The following RANBP2 variants were observed in gnomAD, a reference collection of about 807,000 sequenced individuals.
RANBP2 encodes E3 SUMO-protein ligase RanBP2.
A neutral mutation model predicts 303.6 loss-of-function variants in RANBP2; 57 were observed. The observed-to-expected ratio is 0.19, with a 90% CI of 0.15 to 0.23. The LOEUF (loss-of-function observed/expected upper bound fraction) is 0.23, where lower values mean the gene tolerates loss of function less well. Ranked by LOEUF, RANBP2 falls within the 10% of genes least tolerant of loss-of-function variation. The pLI, the probability that RANBP2 is intolerant of heterozygous loss-of-function variation, is 1.00. For missense variants in RANBP2, 3,138 were observed against 3,780.8 expected (o/e 0.83, Z 4.46); for synonymous variants, 1,167 against 1,301.5 (o/e 0.90, Z 2.23).
At chr2:109,164,506 A>G in the RANBP2 span, among the ~76,000 whole-genome samples, 1 of 152,146 alleles carries the variant, frequency 6.6e-6, no homozygotes, top group Non-Finnish European at 1.5e-5. Flanking sequence ...ATTTTTCTGT[A>G]GACTCTTCGG....
the RANBP2 span, among the ~76,000 whole-genome samples, chr2:109,174,340 C>T: frequency 6.6e-6 from 1 of 152,224 alleles, no homozygotes; most frequent in Non-Finnish European, 1.5e-5. Flanking sequence ...TTCCTGTGTA[C>T]CAGACTGGGT....
the RANBP2 span, among the ~76,000 whole-genome samples, chr2:109,532,476 G>A: frequency 6.6e-6 from 1 of 152,142 alleles, no homozygotes; most frequent in African/African-American, 2.4e-5. Context: ...TAGAAGCCCT[G>A]TGCGTGGGTG....
At chr2:109,681,853 C>T in the RANBP2 span, among the ~76,000 whole-genome samples, 4 of 152,262 alleles carry the variant, frequency 2.6e-5, no homozygotes, top group South Asian at 4.1e-4. Flanking sequence ...TCCCGCTCAG[C>T]GGAGACCAAA....
chr2:108,791,752 G>A, the RANBP2 span: 378,497 of 1,596,458 alleles, frequency 0.24, 47,073 homozygotes, highest in African/African-American at 0.35. Context: ...AATGATTATA[G>A]AGTTAGTACC....
chr2:109,552,656 C>T, the RANBP2 span: 1 of 172,770 alleles, frequency 5.8e-6, no homozygotes, highest in Non-Finnish European at 1.2e-5. Flanking sequence ...GTGGCTTACC[C>T]TGCTAGGCAT....
the RANBP2 span, among the ~76,000 whole-genome samples, chr2:109,047,752 T>C: frequency 6.6e-6 from 1 of 152,244 alleles, no homozygotes; most frequent in East Asian, 1.9e-4. Flanking sequence ...GGAGGTGTAG[T>C]GAGCTGAGAT....
the RANBP2 span, among the ~76,000 whole-genome samples, chr2:109,167,844 T>C: frequency 6.6e-6 from 1 of 152,216 alleles, no homozygotes; most frequent in Non-Finnish European, 1.5e-5. Context: ...GTGCTGGGAT[T>C]ACAGGCGTGA....
At chr2:109,657,058 A>T in the RANBP2 span, among the ~76,000 whole-genome samples, 1 of 152,212 alleles carries the variant, frequency 6.6e-6, no homozygotes, top group East Asian at 1.9e-4. Flanking sequence ...ATATGAAGTC[A>T]TTTCAGTCAA....
At chr2:109,034,560 G>A in the RANBP2 span, among the ~76,000 whole-genome samples, 303 of 152,308 alleles carry the variant, frequency 2.0e-3, 1 homozygote, top group Middle Eastern at 6.8e-3. Flanking sequence ...GGCAAAAGCT[G>A]GTTCTGGAGC....
At chr2:109,632,082 A>G in the RANBP2 span, among the ~76,000 whole-genome samples, 1 of 152,172 alleles carries the variant, frequency 6.6e-6, no homozygotes, top group Non-Finnish European at 1.5e-5. Context: ...ATAAAATCCC[A>G]GTAAAAGCTC....
At chr2:108,788,745 TGAGA>T, downstream of RANBP2, 1 of 1,448,410 alleles carries the variant, frequency 6.9e-7, no homozygotes, top group South Asian at 1.4e-5. Flanking sequence ...AAAAAAAATT[TGAGA>T]GAGAAGATTT....
chr2:108,948,601 T>C, the RANBP2 span, among the ~76,000 whole-genome samples: 1 of 152,090 alleles, frequency 6.6e-6, no homozygotes, highest in South Asian at 2.1e-4. Flanking sequence ...GCAAGGCACG[T>C]CTCACATGGT....
chr2:109,480,575 G>T, the RANBP2 span, among the ~76,000 whole-genome samples: 1 of 152,166 alleles, frequency 6.6e-6, no homozygotes, highest in African/African-American at 2.4e-5. Flanking sequence ...AGGAAGTCTC[G>T]CAGGGTAGAG....
chr2:109,577,912 C>CAAAAA, the RANBP2 span, among the ~76,000 whole-genome samples: 1 of 92,340 alleles, frequency 1.1e-5, no homozygotes, highest in Non-Finnish European at 2.1e-5. Context: ...GACTTTGTCT[C>CAAAAA]AAAAAAAAAA....
At chr2:109,005,398 G>T in the RANBP2 span, among the ~76,000 whole-genome samples, 1 of 152,162 alleles carries the variant, frequency 6.6e-6, no homozygotes, top group Admixed American at 6.5e-5. Context: ...TCTCCAAGCT[G>T]ACTTTCCAGA....
At position 108,755,157 on chromosome 2, in the gene RANBP2, T is replaced by G. The variant is rs761304906; in HGVS notation, c.2383-19T>G. On this transcript the variant is annotated intron_variant, in intron 16 of 28. Transcript: ENST00000283195. ...CTAAGTGTTTTAAATGCTGTTTTGT[T>G]ATTTTTATTTTTTTTTAGTATTCTC... is the stretch of plus-strand genomic sequence containing the variant. 6.2e-7 allele frequency: 1 copy of G among 1,611,842 alleles called. No individual in the cohort carries two copies. Among genetic ancestry groups the G allele is most frequent in the Non-Finnish European group, 8.5e-7 (1 of 1,179,842 alleles).
chr2:109,391,108 G>A, the RANBP2 span, among the ~76,000 whole-genome samples: 1 of 152,168 alleles, frequency 6.6e-6, no homozygotes, highest in Non-Finnish European at 1.5e-5. Flanking sequence ...AAAACCATTC[G>A]CTCCGACTCC....
the RANBP2 span, among the ~76,000 whole-genome samples, chr2:109,592,525 A>C: frequency 6.6e-6 from 1 of 151,928 alleles, no homozygotes; most frequent in South Asian, 2.1e-4. Context: ...GTGGCCTGTA[A>C]TCCTAGCACT....
the RANBP2 span, among the ~76,000 whole-genome samples, chr2:109,097,999 C>A: frequency 6.6e-6 from 1 of 152,142 alleles, no homozygotes; most frequent in South Asian, 2.1e-4. Context: ...TGCCCTTCCC[C>A]TGGAAGGCAA....
Sources: allele counts gnomAD v4.1 joint callset (sites outside exome capture counted in the v4.1 genomes callset), GRCh38; gene constraint gnomAD v4.1.1; transcripts MANE v1.5; gene names NCBI Gene and HGNC (gene_info 2026-07-23, HGNC 2026-07-21).